Variants in TLCD3B observed in about 807,000 individuals in gnomAD.
The protein encoded by TLCD3B is ceramide synthase.
A neutral mutation model predicts 23.0 loss-of-function variants in TLCD3B; 9 were observed. The ratio of observed to expected loss-of-function variants is 0.39; its 90% CI spans 0.24 to 0.68. The LOEUF (loss-of-function observed/expected upper bound fraction) is 0.68. Ranked by LOEUF, TLCD3B falls within the 30% of genes least tolerant of loss-of-function variation. The pLI, the probability that TLCD3B is intolerant of heterozygous loss-of-function variation, is 0.44. For synonymous variants in TLCD3B, 161 were observed against 161.0 expected (o/e 1.00, Z 0.00); for missense variants, 307 against 371.8 (o/e 0.83, Z 1.43).
chr16:30,033,419 G>A (rs1162212210), upstream of TLCD3B: 4 of 152,172 alleles, frequency 2.6e-5, no homozygotes, highest in Admixed American at 6.5e-5. Context: ...CTTTGGATGA[G>A]TAGAGACAGG....
chr16:30,030,678 G>T lies in TLCD3B; in HGVS notation c.-151C>A. 3.7e-6 allele frequency: 4 copies of T among 1,093,646 alleles called. No individual in the cohort carries two copies. Among genetic ancestry groups the T allele is most frequent in the East Asian group, 8.3e-5 (1 of 12,072 alleles). 67.7% of individuals were successfully genotyped at this position (1,093,646 alleles called of 1,614,324 possible). A position where few individuals can be genotyped will look rare whatever the true frequency, so the allele number is the denominator to read the frequency against. On this transcript the variant is annotated 5_prime_UTR_variant, in exon 1 of 5. Transcript: ENST00000380495. Reference sequence around the variant, plus strand: ...CACAAAGGGGCCAGGGCGGGGACGGGATGGGGCCAGGGAGTCCGATGAAAC... The same window carrying T: ...CACAAAGGGGCCAGGGCGGGGACGGTATGGGGCCAGGGAGTCCGATGAAAC...
chr16:30,036,108 G>A (rs771038178), upstream of TLCD3B: 21 of 1,241,986 alleles, frequency 1.7e-5, no homozygotes, highest in East Asian at 1.1e-4. Flanking sequence ...TGCATGCCCC[G>A]CCCGCCGCCC....
At position 30,039,103 on chromosome 16, in the gene TLCD3B, C is replaced by CTTTTTTTTTTTTTTTTTTTTTTTTT. The variant is rs1018184417; in HGVS notation, c.-67+1867_-67+1891dup. ...TTATCCTTCTCCTCCTCCTTCCTCT[C>CTTTTTTTTTTTTTTTTTTTTTTTTT]TTTTTTTTTTTTTTTTTTTTTTTTT... On this transcript the variant is annotated intron_variant, in intron 3 of 6. Coordinates refer to the TLCD3B transcript ENST00000561666. Among the ~76,000 whole-genome samples, 3 of 99,616 alleles carry CTTTTTTTTTTTTTTTTTTTTTTTTT rather than the reference C, an allele frequency of 3.0e-5. 1 individual carries two copies. Among genetic ancestry groups the CTTTTTTTTTTTTTTTTTTTTTTTTT allele is most frequent in the Non-Finnish European group, 5.7e-5 (3 of 52,682 alleles). The allele number at this position is 99,616 out of a possible 152,430, so 65.4% of individuals were successfully genotyped here. A position where few individuals can be genotyped will look rare whatever the true frequency, so the allele number is the denominator to read the frequency against.
In TLCD3B at chr16:30,026,944, G is replaced by A. The variant is rs1026610014; in HGVS notation, c.210-101C>T. The A allele has an allele frequency of 4.4e-5, 44 of 991,148 alleles. 1 individual carries two copies. The highest frequency in any genetic ancestry group is 9.6e-5 in the African/African-American group (6 of 62,640). 61.4% of individuals were successfully genotyped at this position (991,148 alleles called of 1,614,324 possible). A position where few individuals can be genotyped will look rare whatever the true frequency, so the allele number is the denominator to read the frequency against. On this transcript the variant is annotated intron_variant, in intron 2 of 4. Transcript: ENST00000380495. Reference sequence around the variant, plus strand: ...CAGCACAGCAGCCCTGGACAGGAGCGGAGTCTTGGGTACAGATGAGGGATC... The same window carrying A: ...CAGCACAGCAGCCCTGGACAGGAGCAGAGTCTTGGGTACAGATGAGGGATC...
chr16:30,025,342 G>A lies in TLCD3B; in HGVS notation c.666C>T (p.Pro222=), dbSNP rs779686993. Residue 222 remains proline (P), a synonymous_variant, in exon 5 of 5, where the codon CCC becomes CCT. Transcript: ENST00000380495. This position sits in a 1 kb window ranked among gnomAD's most constrained non-coding sequence, Gnocchi z 4.1. ...YWAYGRHAGL[P]LLAVPLAIPA... Reference sequence around the variant, plus strand: ...GGATGGCCAGGGGCACGGCCAGCAGGGGCAGGCCGGCATGGCGCCCGTAGG... The same window carrying A: ...GGATGGCCAGGGGCACGGCCAGCAGAGGCAGGCCGGCATGGCGCCCGTAGG... 1 of 1,586,594 alleles carries A rather than the reference G, an allele frequency of 6.3e-7. No individual in the cohort carries two copies. Among genetic ancestry groups the A allele is most frequent in the South Asian group, 1.1e-5 (1 of 88,196 alleles).
chr16:30,042,162 T>C (rs545799875), intron 2 of TLCD3B, among the ~76,000 whole-genome samples: 6 of 152,290 alleles, frequency 3.9e-5, no homozygotes, highest in Non-Finnish European at 8.8e-5. Flanking sequence ...GGCGATATTA[T>C]ACCAGTTGAG....
chr16:30,035,304 C>T, upstream of TLCD3B: 1 of 1,285,486 alleles, frequency 7.8e-7, no homozygotes, highest in African/African-American at 1.5e-5. Flanking sequence ...AGATCAGTTC[C>T]ACCAGCCATG....
At chr16:30,035,203 C>T (rs545589318), upstream of TLCD3B, 7 of 933,496 alleles carry the variant, frequency 7.5e-6, no homozygotes, top group Admixed American at 6.7e-5. Context: ...TGAGCCACCA[C>T]GCCCAGCCTG....
At chr16:30,047,962 T>G (rs1189464370) in intron 1 of TLCD3B, among the ~76,000 whole-genome samples, 1 of 150,960 alleles carries the variant, frequency 6.6e-6, no homozygotes, top group Non-Finnish European at 1.5e-5. Context: ...GTCAACATGG[T>G]GAAACCCTGT....
Position 30,026,717 on chromosome 16 carries a change from G to A in TLCD3B, c.336C>T (p.Ala112=), listed in dbSNP as rs745989055. Residue 112 remains alanine, a synonymous_variant, in exon 3 of 5, where the codon GCC becomes GCT. Transcript: ENST00000380495. Reference sequence around the variant, plus strand: ...TGGCCCACGTGCTGCCCGGGGCTCTGGCCGCTCCGTCGTCCCCTCCATGCC... The same window carrying A: ...TGGCCCACGTGCTGCCCGGGGCTCTAGCCGCTCCGTCGTCCCCTCCATGCC... ...VKGHGGDDGA[A]RAPGSTWAIA... is the part of the protein sequence containing the mutation. 4 of 1,614,004 alleles carry A rather than the reference G, an allele frequency of 2.5e-6. No individual in the cohort carries two copies. In the Admixed American group the frequency reaches 6.7e-5, roughly 27 times the overall value.
At chr16:30,037,317 C>A (rs1261783948) in intron 3 of TLCD3B, among the ~76,000 whole-genome samples, 1 of 151,318 alleles carries the variant, frequency 6.6e-6, no homozygotes, top group African/African-American at 2.4e-5. Context: ...CCGAGGCGGG[C>A]AGATCACGGG....
At position 30,024,532 on chromosome 16, in the gene TLCD3B, A is replaced by G. The variant is rs2071004120; in HGVS notation, c.*651T>C. On this transcript the variant is annotated 3_prime_UTR_variant, in exon 5 of 5. Coordinates refer to ENST00000380495, the MANE Select transcript of TLCD3B (RefSeq NM_031478.6). ...TTGAGAGGTCAGTAGCACCAGGGACATGGCAGGGCCCGAGGGCGCGATGTG... is the reference window on the plus strand; with the variant it reads ...TTGAGAGGTCAGTAGCACCAGGGACGTGGCAGGGCCCGAGGGCGCGATGTG... 2 of 460,652 alleles carry G rather than the reference A, an allele frequency of 4.3e-6. No homozygotes were observed. The highest frequency in any genetic ancestry group is 7.8e-6 in the Non-Finnish European group (2 of 257,932). 28.5% of individuals were successfully genotyped at this position (460,652 alleles called of 1,614,324 possible).
intron 1 of TLCD3B, among the ~76,000 whole-genome samples, chr16:30,047,137 C>T (rs1321394854): frequency 7.0e-6 from 1 of 142,198 alleles, no homozygotes; most frequent in African/African-American, 2.9e-5. Context: ...GTTGTGTCAT[C>T]TGTCTGTCTG....
At chr16:30,039,114 T>C (rs2071532925) in intron 3 of TLCD3B, among the ~76,000 whole-genome samples, 4 of 137,860 alleles carry the variant, frequency 2.9e-5, no homozygotes, top group East Asian at 2.1e-4. Flanking sequence ...TTTTTTTTTT[T>C]TTTTTTTTTT....
intron 1 of TLCD3B, among the ~76,000 whole-genome samples, chr16:30,050,234 C>A (rs750527398): frequency 6.6e-6 from 1 of 152,128 alleles, no homozygotes; most frequent in Non-Finnish European, 1.5e-5. Flanking sequence ...CTCAGGATTC[C>A]ATCAGACAAT....
Position 30,029,591 on chromosome 16 carries a change from C to T in TLCD3B, c.126-76G>A. 4 of 1,246,800 alleles carry T rather than the reference C, an allele frequency of 3.2e-6. No individual in the cohort carries two copies. The highest frequency in any genetic ancestry group is 4.6e-6 in the Non-Finnish European group (4 of 863,984). The allele number at this position is 1,246,800 out of a possible 1,614,324, so 77.2% of individuals were successfully genotyped here. On this transcript the variant is annotated intron_variant, in intron 1 of 4. Transcript: ENST00000380495. The surrounding 1 kb of genome is among the most constrained non-coding windows in gnomAD (Gnocchi z 4.6). Reference sequence around the variant, plus strand: ...GCCTTGATTTCTCCTCGTTGCTAGTCTAACGACTGCGCTTTGCGTTCAGCC... The same window carrying T: ...GCCTTGATTTCTCCTCGTTGCTAGTTTAACGACTGCGCTTTGCGTTCAGCC...
intron 1 of TLCD3B, among the ~76,000 whole-genome samples, chr16:30,052,204 C>A (rs1179953646): frequency 6.6e-6 from 1 of 151,766 alleles, no homozygotes; most frequent in Non-Finnish European, 1.5e-5. Flanking sequence ...CCCGTCTCTA[C>A]TAAAAATACA....
At chr16:30,026,944 G>T in intron 2 of TLCD3B, 101 bp from the exon 3 acceptor site, 1 of 991,264 alleles carries the variant, frequency 1.0e-6, no homozygotes. Flanking sequence ...GGACAGGAGC[G>T]GAGTCTTGGG....
chr16:30,026,411 G>A (rs2071137724), intron 3 of TLCD3B, among the ~76,000 whole-genome samples, 198 bp downstream of exon 3: 1 of 152,168 alleles, frequency 6.6e-6, no homozygotes, highest in African/African-American at 2.4e-5. Context: ...GTCCAGCCCA[G>A]GGCCAGGCTG....
Sources: gnomAD v4.1 joint callset for allele counts (sites outside exome capture counted in the v4.1 genomes callset) on GRCh38, gnomAD v4.1.1 for gene constraint, Gnocchi (gnomAD v3.1) non-coding constraint, MANE v1.5 for transcripts, NCBI Gene and HGNC (gene_info 2026-07-23, HGNC 2026-07-21) for gene names.